Variants in RABGAP1L observed in about 807,000 individuals in gnomAD.
The protein encoded by RABGAP1L is rab GTPase-activating protein 1-like.
Under a neutral mutation model 137.7 loss-of-function variants are expected in RABGAP1L, and 63 were observed. The observed-to-expected ratio is 0.46, with a 90% CI of 0.37 to 0.56. The LOEUF (loss-of-function observed/expected upper bound fraction) is 0.56. Ranked by LOEUF, RABGAP1L falls within the 20% of genes least tolerant of loss-of-function variation. RABGAP1L has a pLI of 0.00. For synonymous variants in RABGAP1L, 431 were observed against 433.7 expected, an observed-to-expected ratio of 0.99 and a Z score of 0.08; for missense variants, 1,095 against 1,244.0, an observed-to-expected ratio of 0.88 and a Z score of 1.80.
intron 19 of RABGAP1L, among the ~76,000 whole-genome samples, chr1:174,857,819 C>T (rs1649571942): frequency 6.6e-6 from 1 of 151,986 alleles, no homozygotes; most frequent in Non-Finnish European, 1.5e-5. Flanking sequence ...GAGCAAGAAC[C>T]TTCTCAAAAT....
At chr1:174,775,101 G>C (rs963096926) in intron 18 of RABGAP1L, among the ~76,000 whole-genome samples, 5 of 152,076 alleles carry the variant, frequency 3.3e-5, no homozygotes, top group African/African-American at 1.2e-4. Context: ...TCAATTCGGA[G>C]GAAGAGGGAA....
At chr1:174,742,002 A>G (rs1414370184) in intron 17 of RABGAP1L, among the ~76,000 whole-genome samples, 2 of 141,608 alleles carry the variant, frequency 1.4e-5, no homozygotes, top group East Asian at 2.2e-4. Context: ...TAGCACTACT[A>G]TGCTCCAGCC....
chr1:174,829,749 A>G (rs1265719882), intron 19 of RABGAP1L, among the ~76,000 whole-genome samples: 1 of 148,674 alleles, frequency 6.7e-6, no homozygotes, highest in Non-Finnish European at 1.5e-5. Flanking sequence ...CTAATAGATC[A>G]CAAATGATAG....
In RABGAP1L at chr1:174,994,626, A is replaced by C. The variant is rs1359110572; in HGVS notation, c.*4625A>C. 2.0e-5 allele frequency: 3 copies of C among 152,240 alleles called. No individual in the cohort carries two copies. Among genetic ancestry groups the C allele is most frequent in the Admixed American group, 1.3e-4 (2 of 15,290 alleles). The allele number at this position is 152,240 out of a possible 1,614,324, so 9.4% of individuals were successfully genotyped here. The stretch of plus-strand genomic sequence containing the variant: ...AAAATATATGGACTGAATTGTGAGA[A>C]TATAAATGCATCGAAAGACTCTGGT... On this transcript the variant is annotated 3_prime_UTR_variant, in exon 26 of 26. Transcript: ENST00000681986.
chr1:174,342,121 T>G (rs1042707294), intron 11 of RABGAP1L, among the ~76,000 whole-genome samples: 1 of 152,186 alleles, frequency 6.6e-6, no homozygotes, highest in African/African-American at 2.4e-5. Context: ...GTAAGAATGT[T>G]TATTCATTAT....
intron 13 of RABGAP1L, among the ~76,000 whole-genome samples, chr1:174,498,064 C>G (rs1360073088): frequency 6.6e-6 from 1 of 152,124 alleles, no homozygotes; most frequent in African/African-American, 2.4e-5. Context: ...TTTTATTTCA[C>G]ATTTTTAAAG....
intron 17 of RABGAP1L, among the ~76,000 whole-genome samples, chr1:174,733,496 T>C (rs1442731700): frequency 6.6e-6 from 1 of 152,270 alleles, no homozygotes; most frequent in Non-Finnish European, 1.5e-5. Context: ...GCAAAACTGC[T>C]TTGTAAGCAT....
intron 16 of RABGAP1L, 146 bp from the exon 17 acceptor site, chr1:174,701,967 T>G (rs557467384): frequency 1.6e-6 from 1 of 635,444 alleles, no homozygotes; most frequent in South Asian, 2.4e-5. Context: ...CTGTCATCAC[T>G]TCTGTGCAGT....
chr1:174,516,775 G>T (rs1030668618), intron 13 of RABGAP1L, among the ~76,000 whole-genome samples: 3 of 151,830 alleles, frequency 2.0e-5, no homozygotes, highest in African/African-American at 7.3e-5. Context: ...GCTGAGAGTT[G>T]AACCCAAGAA....
Position 174,275,944 on chromosome 1 carries a change from T to C in RABGAP1L, c.1156+9T>C, listed in dbSNP as rs748252914. Reference sequence around the variant, plus strand: ...CGAGGAAACCCCAAAAGGTGACTTTTCTTAAAAGATCCCTTATTGTTTGCT... The same window carrying C: ...CGAGGAAACCCCAAAAGGTGACTTTCCTTAAAAGATCCCTTATTGTTTGCT... On this transcript the variant is annotated intron_variant, in intron 9 of 25. Coordinates refer to ENST00000681986, the MANE Select transcript of RABGAP1L (RefSeq NM_001366446.1). 6.3e-6 allele frequency: 10 copies of C among 1,589,760 alleles called. No individual in the cohort carries two copies. The highest frequency in any genetic ancestry group is 1.3e-5 in the African/African-American group (1 of 74,316).
intron 14 of RABGAP1L, among the ~76,000 whole-genome samples, chr1:174,649,123 T>G (rs1675238922): frequency 6.6e-6 from 1 of 152,082 alleles, no homozygotes; most frequent in Non-Finnish European, 1.5e-5. Context: ...CTTCTGAATA[T>G]AGTACACTGA....
At chr1:174,375,256 T>G (rs1685425868) in intron 12 of RABGAP1L, among the ~76,000 whole-genome samples, 1 of 151,996 alleles carries the variant, frequency 6.6e-6, no homozygotes, top group African/African-American at 2.4e-5. Context: ...AGATTTAAAA[T>G]TCATGGCATA....
At chr1:174,634,849 C>G (rs1673809576) in intron 13 of RABGAP1L, among the ~76,000 whole-genome samples, 1 of 135,000 alleles carries the variant, frequency 7.4e-6, no homozygotes, top group African/African-American at 2.9e-5. Context: ...CACATGGACA[C>G]AGGAAGGGGA....
chr1:174,893,053 C>A, intron 19 of RABGAP1L: 1 of 297,826 alleles, frequency 3.4e-6, no homozygotes, highest in South Asian at 3.6e-5. Context: ...GCCAGGCTAC[C>A]TCATTTCTGA....
chr1:174,581,595 GT>G (rs1234941216), intron 13 of RABGAP1L, among the ~76,000 whole-genome samples: 1 of 152,152 alleles, frequency 6.6e-6, no homozygotes, highest in East Asian at 1.9e-4. Context: ...TATTTTGGAG[GT>G]ATGAAAATGT....
chr1:174,754,768 C>G (rs1490633941), intron 18 of RABGAP1L, among the ~76,000 whole-genome samples: 2 of 152,162 alleles, frequency 1.3e-5, no homozygotes, highest in Non-Finnish European at 2.9e-5. Flanking sequence ...TCCCAAAGCA[C>G]TGGGATTATA....
chr1:174,163,094 G>A (rs923857344), intron 1 of RABGAP1L, among the ~76,000 whole-genome samples: 6 of 152,168 alleles, frequency 3.9e-5, no homozygotes, highest in African/African-American at 1.4e-4. Flanking sequence ...ATTACAAACA[G>A]TGGAGGCGGA....
chr1:174,484,058 C>G (rs188200424), intron 13 of RABGAP1L, among the ~76,000 whole-genome samples: 1 of 152,104 alleles, frequency 6.6e-6, no homozygotes. Flanking sequence ...TCCACATCCT[C>G]GCCAGCATCT....
At chr1:174,161,568 GAGA>G (rs1557990156) in intron 1 of RABGAP1L, among the ~76,000 whole-genome samples, 1 of 152,036 alleles carries the variant, frequency 6.6e-6, no homozygotes, top group East Asian at 1.9e-4. Flanking sequence ...GTCATATGGG[GAGA>G]AGTAGATGAA....
Sources: gnomAD v4.1 joint callset for allele counts (sites outside exome capture counted in the v4.1 genomes callset) on GRCh38, gnomAD v4.1.1 for gene constraint, MANE v1.5 for transcripts, NCBI Gene and HGNC (gene_info 2026-07-23, HGNC 2026-07-21) for gene names.